MACROD2: variants seen among roughly 807,000 people sequenced by gnomAD.
The protein encoded by MACROD2 is mono-ADP ribosylhydrolase 2.
MACROD2 carries 36 observed loss-of-function variants against 70.4 expected under a neutral mutation model. That is an observed-to-expected ratio of 0.51 (90% CI 0.39 to 0.68). The LOEUF (loss-of-function observed/expected upper bound fraction) is 0.68. MACROD2 is among the 30% of genes least tolerant of loss of function. The probability of loss-of-function intolerance (pLI) is 0.00; values close to 1 mark genes in which losing one functional copy is unlikely to be tolerated. For synonymous variants in MACROD2, 172 were observed against 178.8 expected, an observed-to-expected ratio of 0.96 and a Z score of 0.30; for missense variants, 496 against 538.4, an observed-to-expected ratio of 0.92 and a Z score of 0.78.
intron 12 of MACROD2, among the ~76,000 whole-genome samples, chr20:15,948,113 A>G (rs2065850779): frequency 6.6e-6 from 1 of 152,098 alleles, no homozygotes; most frequent in Non-Finnish European, 1.5e-5. Context: ...TAGGCCGACT[A>G]AGAATCCCTA....
At chr20:15,507,156 C>T (rs1284927397) in intron 8 of MACROD2, among the ~76,000 whole-genome samples, 5 of 152,268 alleles carry the variant, frequency 3.3e-5, no homozygotes, top group South Asian at 2.1e-4. Context: ...TACGCTGTGT[C>T]GCTTTTGCTC....
intron 2 of MACROD2, among the ~76,000 whole-genome samples, chr20:14,073,134 G>A (rs530017678): frequency 2.0e-5 from 3 of 152,090 alleles, no homozygotes; most frequent in East Asian, 1.9e-4. Flanking sequence ...TCAAGAGTTC[G>A]AGACCAGCAT....
At chr20:14,384,654 A>C (rs1222914900) in intron 3 of MACROD2, among the ~76,000 whole-genome samples, 1 of 152,148 alleles carries the variant, frequency 6.6e-6, no homozygotes, top group Non-Finnish European at 1.5e-5. Context: ...TAAACAAGCA[A>C]ATGCGTTGGA....
At chr20:14,269,895 G>A (rs542432755) in intron 3 of MACROD2, among the ~76,000 whole-genome samples, 1 of 151,412 alleles carries the variant, frequency 6.6e-6, no homozygotes, top group East Asian at 1.9e-4. Flanking sequence ...CCTCCTAATT[G>A]CCACTCCTCA....
chr20:15,347,115 T>C lies in MACROD2; in HGVS notation c.541-84290T>C, dbSNP rs555741663. On this transcript the variant is annotated intron_variant, in intron 6 of 17. Transcript: ENST00000684519. ...GAGTCATTGTAAAGTCTTTCAAGGCTACAGGTAATTTGGAACTTGCAGCTC... is the reference window on the plus strand; with the variant it reads ...GAGTCATTGTAAAGTCTTTCAAGGCCACAGGTAATTTGGAACTTGCAGCTC... 2.0e-5 allele frequency among the ~76,000 whole-genome samples: 3 copies of C among 152,358 alleles called. No individual in the cohort carries two copies. In the South Asian group the frequency reaches 6.2e-4, roughly 32 times the overall value.
intron 8 of MACROD2, among the ~76,000 whole-genome samples, chr20:15,757,988 GC>G: frequency 6.6e-6 from 1 of 152,084 alleles, no homozygotes; most frequent in Non-Finnish European, 1.5e-5. Context: ...CCCAAACCAT[GC>G]CCACAAAAAG....
At chr20:16,035,860 A>G (rs775138) in intron 15 of MACROD2, among the ~76,000 whole-genome samples, 112,294 of 151,650 alleles carry the variant, frequency 0.74, 43,320 homozygotes, top group Non-Finnish European at 0.84. Context: ...GGTAAAAGGT[A>G]GGAGAAGGAA....
At chr20:14,918,752 G>A (rs962464106) in intron 5 of MACROD2, among the ~76,000 whole-genome samples, 1 of 151,758 alleles carries the variant, frequency 6.6e-6, no homozygotes, top group African/African-American at 2.4e-5. Context: ...TTCACTGAAG[G>A]TCATACTATT....
chr20:14,702,156 AT>A (rs200983148), intron 5 of MACROD2, among the ~76,000 whole-genome samples: 51 of 151,086 alleles, frequency 3.4e-4, no homozygotes, highest in Admixed American at 7.3e-4. Context: ...AGAAAGCTTT[AT>A]TTTTTTTTAC....
intron 7 of MACROD2, among the ~76,000 whole-genome samples, chr20:15,494,493 A>G (rs886870437): frequency 3.9e-5 from 6 of 152,260 alleles, no homozygotes; most frequent in South Asian, 2.1e-4. Context: ...CAACACTACA[A>G]TGAAATAAGC....
At chr20:14,274,663 A>T (rs2082232690) in intron 3 of MACROD2, among the ~76,000 whole-genome samples, 1 of 152,100 alleles carries the variant, frequency 6.6e-6, no homozygotes, top group Admixed American at 6.6e-5. Flanking sequence ...CAGGCAGGAG[A>T]AGGAAATAAA....
intron 6 of MACROD2, among the ~76,000 whole-genome samples, chr20:15,322,948 A>C (rs1379871694): frequency 2.8e-5 from 4 of 144,210 alleles, no homozygotes; most frequent in Non-Finnish European, 6.3e-5. Flanking sequence ...GTCAGATCTG[A>C]ATTCTGGTCC....
At chr20:14,130,136 G>GAGGTAGAT (rs1410992109) in intron 3 of MACROD2, among the ~76,000 whole-genome samples, 1 of 152,308 alleles carries the variant, frequency 6.6e-6, no homozygotes, top group East Asian at 1.9e-4. Context: ...AATCTATCAA[G>GAGGTAGAT]AGGTAGATTT....
rs1395039576 is a variant in MACROD2 at position 14,326,445 on chromosome 20, A to G, written c.272-167034A>G. The G allele has an allele frequency of 1.2e-6, 2 of 1,613,868 alleles. No individual in the cohort carries two copies. The highest frequency in any genetic ancestry group is 1.7e-6 in the Non-Finnish European group (2 of 1,179,866). ...TGCTTACAATCCCACTGTCCTTACA[A>G]TCAAACAGTTCTGCATTGAGATCCT... On this transcript the variant is annotated intron_variant, in intron 3 of 17. Transcript: ENST00000684519. This position sits in a 1 kb window ranked among gnomAD's most constrained non-coding sequence, Gnocchi z 5.5.
At chr20:14,057,360 T>C (rs2053642424) in intron 2 of MACROD2, among the ~76,000 whole-genome samples, 1 of 152,188 alleles carries the variant, frequency 6.6e-6, no homozygotes, top group Non-Finnish European at 1.5e-5. Flanking sequence ...ATACTTGTAA[T>C]ATATATATCT....
At chr20:15,891,335 T>C (rs1260408734) in intron 10 of MACROD2, among the ~76,000 whole-genome samples, 1 of 151,832 alleles carries the variant, frequency 6.6e-6, no homozygotes, top group Non-Finnish European at 1.5e-5. Flanking sequence ...AAGAGGGAGG[T>C]GAGGCTAGTG....
In MACROD2 at chr20:14,759,497, A is replaced by G. The variant is rs1478501080; in HGVS notation, c.418+74538A>G. On this transcript the variant is annotated intron_variant, in intron 5 of 17. Coordinates refer to ENST00000684519, the MANE Select transcript of MACROD2 (RefSeq NM_001351661.2). ...GAGATTCTATTATAAAGGTGTATTT[A>G]TAAGTTAGTCATTTAGAATGCAGAG... Among the ~76,000 whole-genome samples, 2 of 152,084 alleles carry G rather than the reference A, an allele frequency of 1.3e-5. 1 individual carries two copies. Among genetic ancestry groups the G allele is most frequent in the Admixed American group, 1.3e-4 (2 of 15,268 alleles).
intron 5 of MACROD2, among the ~76,000 whole-genome samples, chr20:14,793,804 A>G (rs1017998238): frequency 6.6e-6 from 1 of 152,078 alleles, no homozygotes; most frequent in African/African-American, 2.4e-5. Context: ...TCTAAGGTAC[A>G]ATGAGAATTG....
intron 2 of MACROD2, among the ~76,000 whole-genome samples, chr20:14,060,112 A>G (rs1026940530): frequency 2.6e-5 from 4 of 152,236 alleles, no homozygotes; most frequent in Non-Finnish European, 1.5e-5. Flanking sequence ...CTATAGCAAA[A>G]GATCTTTAAC....
Sources: gnomAD v4.1 joint callset for allele counts (sites outside exome capture counted in the v4.1 genomes callset) on GRCh38, gnomAD v4.1.1 for gene constraint, Gnocchi (gnomAD v3.1) non-coding constraint, MANE v1.5 for transcripts, NCBI Gene and HGNC (gene_info 2026-07-23, HGNC 2026-07-21) for gene names.